The following DPP6 variants were observed in gnomAD, a reference collection of about 807,000 sequenced individuals.
DPP6 encodes A-type potassium channel modulatory protein DPP6.
DPP6 carries 69 observed loss-of-function variants against 122.6 expected under a neutral mutation model. That is an observed-to-expected ratio of 0.56 (90% CI 0.46 to 0.69). DPP6 has a LOEUF of 0.69. Among genes scored for constraint, DPP6 ranks in the 30% least tolerant of loss-of-function variants. DPP6 has a pLI of 0.00. For synonymous variants in DPP6, 418 were observed against 433.1 expected (o/e 0.97, Z 0.43); for missense variants, 928 against 1,116.9 (o/e 0.83, Z 2.41).
Position 154,853,786 on chromosome 7 carries a change from G to A in DPP6, c.1673G>A (p.Gly558Asp), listed in dbSNP as rs1001945789. The change falls in exon 17 of 26, where the codon GGT becomes GAT. Residue 558 changes from glycine (G) to aspartate (D), a missense_variant. Gly to Asp is a moderately conservative substitution (Grantham distance 94). Coordinates refer to ENST00000377770, the MANE Select transcript of DPP6 (RefSeq NM_130797.4). ...DFFLLKCEGP[G>D]VPMVTVHNTT... Reference sequence around the variant, plus strand: ...TATTCTCTACCCAACACAGGTCCTGGTGTTCCTATGGTGACGGTGCACAAC... The same window carrying A: ...TATTCTCTACCCAACACAGGTCCTGATGTTCCTATGGTGACGGTGCACAAC... 6.2e-6 allele frequency: 10 copies of A among 1,613,666 alleles called. No homozygotes were observed. The highest frequency in any genetic ancestry group is 8.5e-6 in the Non-Finnish European group (10 of 1,179,786).
At chr7:153,986,866 T>G (rs1796873759) in intron 1 of DPP6, among the ~76,000 whole-genome samples, 1 of 151,530 alleles carries the variant, frequency 6.6e-6, no homozygotes, top group Non-Finnish European at 1.5e-5. Context: ...TAGAGCACGT[T>G]GCACTGAGAT....
chr7:154,477,599 C>T (rs1490124192), intron 3 of DPP6, among the ~76,000 whole-genome samples: 1 of 151,738 alleles, frequency 6.6e-6, no homozygotes, highest in Admixed American at 6.6e-5. Flanking sequence ...GAACGTGTGC[C>T]AGTTCATGGT....
In DPP6 at chr7:154,461,690, C is replaced by A. The variant is rs151062234; in HGVS notation, c.359-13249C>A. ...TCTTTTGAGAAATGTCTACTCAGAT[C>A]TTTTGCCCATTTTTAATTGGATTAT... On this transcript the variant is annotated intron_variant, in intron 2 of 25. Coordinates refer to ENST00000377770, the MANE Select transcript of DPP6 (RefSeq NM_130797.4). Among the ~76,000 whole-genome samples, 664 of 152,202 alleles carry A rather than the reference C, an allele frequency of 4.4e-3. 7 individuals carry two copies. The highest frequency in any genetic ancestry group is 0.015 in the African/African-American group (625 of 41,532).
intron 1 of DPP6, among the ~76,000 whole-genome samples, chr7:154,014,168 TA>T (rs1408862319): frequency 6.6e-6 from 1 of 150,378 alleles, no homozygotes; most frequent in Non-Finnish European, 1.5e-5. Flanking sequence ...GAGGCCTTGA[TA>T]AATTCTACCG....
intron 1 of DPP6, among the ~76,000 whole-genome samples, chr7:154,006,420 C>T (rs1797914739): frequency 6.6e-6 from 1 of 152,014 alleles, no homozygotes; most frequent in Admixed American, 6.6e-5. Context: ...GTTCTGTTAT[C>T]CATGGTTCTT....
intron 1 of DPP6, among the ~76,000 whole-genome samples, chr7:153,911,036 A>G (rs12673076): frequency 0.82 from 124,504 of 152,126 alleles, 50,976 homozygotes; most frequent in Admixed American, 0.86. Flanking sequence ...GACACGGGTC[A>G]GATTACTTCA....
chr7:153,802,057 T>C, the DPP6 span, among the ~76,000 whole-genome samples: 1 of 152,208 alleles, frequency 6.6e-6, no homozygotes, highest in Non-Finnish European at 1.5e-5. Context: ...GATGGTTATG[T>C]GGTGGCAATG....
chr7:154,033,236 A>C (rs1442752899), intron 1 of DPP6, among the ~76,000 whole-genome samples: 1 of 152,152 alleles, frequency 6.6e-6, no homozygotes. Flanking sequence ...ATGGGTTACT[A>C]TATCCTTTGA....
Position 154,876,289 on chromosome 7 carries a change from A to G in DPP6, c.2078+189A>G, listed in dbSNP as rs550633536. ...GAAACTTAGGAATCTTCTCCTAGGG[A>G]CATTTATAACTAGTTTTCCCACTGC... On this transcript the variant is annotated intron_variant, in intron 20 of 25. Transcript: ENST00000377770. 567 of 1,035,902 alleles carry G rather than the reference A, an allele frequency of 5.5e-4. 4 individuals are homozygous for G. Among genetic ancestry groups the G allele is most frequent in the Middle Eastern group, 4.0e-3 (12 of 2,980 alleles). The allele number at this position is 1,035,902 out of a possible 1,614,324, so 64.2% of individuals were successfully genotyped here.
chr7:154,126,325 C>T (rs570717817), intron 1 of DPP6, among the ~76,000 whole-genome samples: 2 of 151,976 alleles, frequency 1.3e-5, no homozygotes, highest in African/African-American at 4.8e-5. Flanking sequence ...GTAGGGTGAC[C>T]ATATAATTTT....
chr7:154,636,970 G>A (rs1043739622), intron 5 of DPP6, among the ~76,000 whole-genome samples: 4 of 152,154 alleles, frequency 2.6e-5, no homozygotes, highest in Admixed American at 2.6e-4. Context: ...GAAAGGGTTG[G>A]GGGAAATGAA....
chr7:153,827,609 T>C, the DPP6 span, among the ~76,000 whole-genome samples: 1 of 152,140 alleles, frequency 6.6e-6, no homozygotes, highest in African/African-American at 2.4e-5. Flanking sequence ...TGCTCATCTC[T>C]TGCCAAAGAC....
rs1817030361 is a variant in DPP6 at position 154,416,520 on chromosome 7, A to G, written c.244-29694A>G. ...ATTGTTATACATGTTCTATTTTATT[A>G]TTAATTCTAAAAATAAAATCTCTTA... On this transcript the variant is annotated intron_variant, in intron 1 of 25. Transcript: ENST00000377770. Among the ~76,000 whole-genome samples, 6 of 152,180 alleles carry G rather than the reference A, an allele frequency of 3.9e-5. 1 individual carries two copies. In the South Asian group the frequency reaches 1.2e-3, roughly 31 times the overall value.
At chr7:153,780,806 A>G in the DPP6 span, among the ~76,000 whole-genome samples, 1 of 152,172 alleles carries the variant, frequency 6.6e-6, no homozygotes, top group African/African-American at 2.4e-5. Flanking sequence ...TATCCTGATT[A>G]ATTCTACCTT....
chr7:154,603,593 T>C lies in DPP6; in HGVS notation c.628-34228T>C, dbSNP rs1454298856. Among the ~76,000 whole-genome samples the C allele has an allele frequency of 5.4e-5, 5 of 92,554 alleles. 2 individuals carry two copies. The highest frequency in any genetic ancestry group is 1.0e-4 in the African/African-American group (3 of 29,952). 60.7% of individuals were successfully genotyped at this position (92,554 alleles called of 152,430 possible). On this transcript the variant is annotated intron_variant, in intron 5 of 25. Coordinates refer to ENST00000377770, the MANE Select transcript of DPP6 (RefSeq NM_130797.4). ...ATTGCTTGAAACCAGGAGGTGGAGGTTGCAATGAGCCAAGATTGTGCCACT... is the reference window on the plus strand; with the variant it reads ...ATTGCTTGAAACCAGGAGGTGGAGGCTGCAATGAGCCAAGATTGTGCCACT...
At chr7:154,041,421 C>T (rs1463036770) in intron 1 of DPP6, among the ~76,000 whole-genome samples, 2 of 152,152 alleles carry the variant, frequency 1.3e-5, no homozygotes, top group Non-Finnish European at 1.5e-5. Context: ...TTGAGGTTTC[C>T]CCTCTGTAAC....
At chr7:154,374,739 G>A (rs1812983596) in intron 1 of DPP6, among the ~76,000 whole-genome samples, 1 of 151,694 alleles carries the variant, frequency 6.6e-6, no homozygotes, top group African/African-American at 2.4e-5. Context: ...AGCCTCCCAA[G>A]TAGCTGGGAC....
At chr7:154,625,342 A>G (rs1834998797) in intron 5 of DPP6, among the ~76,000 whole-genome samples, 1 of 151,988 alleles carries the variant, frequency 6.6e-6, no homozygotes, top group African/African-American at 2.4e-5. Context: ...AGATAGAAGG[A>G]GAAACAGCAG....
chr7:154,326,731 C>A (rs1355155859), intron 1 of DPP6, among the ~76,000 whole-genome samples: 1 of 152,158 alleles, frequency 6.6e-6, no homozygotes, highest in Non-Finnish European at 1.5e-5. Context: ...GTTGGTTTCC[C>A]CATAATAATT....
Sources: allele counts gnomAD v4.1 joint callset (sites outside exome capture counted in the v4.1 genomes callset), GRCh38; gene constraint gnomAD v4.1.1; transcripts MANE v1.5; gene names NCBI Gene and HGNC (gene_info 2026-07-23, HGNC 2026-07-21).